The following SMCO4 variants were observed in gnomAD, a reference collection of about 807,000 sequenced individuals.
The protein encoded by SMCO4 is single-pass membrane protein with coiled-coil domains 4.
In SMCO4, 4 loss-of-function variants were observed where a neutral mutation model predicts 3.6. That is an observed-to-expected ratio of 1.11 (90% CI 0.54 to 2.53). SMCO4 has a LOEUF of 2.53. SMCO4 is among the 30% of genes most tolerant of loss of function. SMCO4 has a pLI of 0.02. For missense variants in SMCO4, 70 were observed against 80.8 expected, an observed-to-expected ratio of 0.87 and a Z score of 0.51; for synonymous variants, 36 against 35.3, an observed-to-expected ratio of 1.02 and a Z score of -0.07.
At chr11:93,529,638 T>A (rs1040615216) in intron 1 of SMCO4, among the ~76,000 whole-genome samples, 8 of 152,102 alleles carry the variant, frequency 5.3e-5, no homozygotes, top group African/African-American at 1.7e-4. Flanking sequence ...CCAGGCCCCT[T>A]CCTTTGGAGG....
chr11:93,546,294 A>T (rs1949315558), upstream of SMCO4, among the ~76,000 whole-genome samples: 2 of 152,258 alleles, frequency 1.3e-5, no homozygotes, highest in Admixed American at 6.5e-5. Context: ...TTCTTCATTG[A>T]ATTGGTTACT....
chr11:93,501,920 ACACACTT>A (rs1479951797), intron 1 of SMCO4, among the ~76,000 whole-genome samples: 1 of 152,066 alleles, frequency 6.6e-6, no homozygotes, highest in African/African-American at 2.4e-5. Context: ...CCTTGAGCAC[ACACACTT>A]GGAACCCCTG....
chr11:93,494,935 T>A (rs373379722), intron 2 of SMCO4, among the ~76,000 whole-genome samples: 4 of 152,102 alleles, frequency 2.6e-5, no homozygotes, highest in Non-Finnish European at 5.9e-5. Flanking sequence ...GGCTCCTGCC[T>A]ACCTTTTGCA....
chr11:93,498,836 A>G (rs1424870088), intron 2 of SMCO4, among the ~76,000 whole-genome samples: 2 of 152,180 alleles, frequency 1.3e-5, no homozygotes, highest in East Asian at 1.9e-4. Flanking sequence ...TTCGAGAAAC[A>G]TTTATGGAAT....
rs117510810 is a variant in SMCO4 at position 93,517,316 on chromosome 11, A to G, written c.-153-17968T>C. Among the ~76,000 whole-genome samples the G allele has an allele frequency of 4.2e-3, 642 of 152,214 alleles. 2 individuals carry two copies. Among genetic ancestry groups the G allele is most frequent in the Non-Finnish European group, 6.3e-3 (428 of 67,996 alleles). The stretch of plus-strand genomic sequence containing the variant: ...GCTGCCTTACGACTGCCGTAATCCA[A>G]TTGGTTTTTTCTTCTTTAATTTAAT... On this transcript the variant is annotated intron_variant, in intron 1 of 2. Transcript: ENST00000298966.
chr11:93,483,797 T>A (rs1342921388), intron 2 of SMCO4, among the ~76,000 whole-genome samples: 1 of 152,030 alleles, frequency 6.6e-6, no homozygotes, highest in Non-Finnish European at 1.5e-5. Context: ...ACTGGCAGAG[T>A]CAAAGGTCAA....
At chr11:93,516,281 A>G (rs1388975549) in intron 1 of SMCO4, among the ~76,000 whole-genome samples, 1 of 152,190 alleles carries the variant, frequency 6.6e-6, no homozygotes, top group Non-Finnish European at 1.5e-5. Flanking sequence ...CCCAAAAGAA[A>G]GAAGGGGAGT....
At position 93,534,206 on chromosome 11, in the gene SMCO4, AT is replaced by A. The variant is rs1462049264; in HGVS notation, c.-154+9069del. On this transcript the variant is annotated intron_variant, in intron 1 of 2. Transcript: ENST00000298966. ...ACTCCGTCTCAAAAAAAAAAAAAAA[AT>A]ATATATATACACACACACACACACA... 1.1e-3 allele frequency among the ~76,000 whole-genome samples: 116 copies of A among 102,000 alleles called. 2 individuals are homozygous for A. The highest frequency in any genetic ancestry group is 4.7e-3 in the African/African-American group (109 of 23,234). 66.9% of individuals were successfully genotyped at this position (102,000 alleles called of 152,430 possible).
chr11:93,518,730 A>C (rs1949031326), intron 1 of SMCO4, among the ~76,000 whole-genome samples: 2 of 152,200 alleles, frequency 1.3e-5, no homozygotes. Flanking sequence ...ATTCTACCAA[A>C]TAACTAAGAA....
chr11:93,537,590 C>T (rs1199934331), intron 1 of SMCO4, among the ~76,000 whole-genome samples: 4 of 151,906 alleles, frequency 2.6e-5, no homozygotes, highest in South Asian at 2.1e-4. Flanking sequence ...GCAAAAAGAA[C>T]GAGAAAAGGG....
chr11:93,500,101 C>T (rs1565378449), intron 1 of SMCO4, among the ~76,000 whole-genome samples: 1 of 152,228 alleles, frequency 6.6e-6, no homozygotes, highest in Non-Finnish European at 1.5e-5. Context: ...TGGTACAATG[C>T]CTATCATTAC....
At chr11:93,503,320 T>C (rs1043944054) in intron 1 of SMCO4, among the ~76,000 whole-genome samples, 2 of 152,192 alleles carry the variant, frequency 1.3e-5, no homozygotes, top group Admixed American at 6.5e-5. Flanking sequence ...CTTATAAAAC[T>C]ATCAGATCTT....
At chr11:93,517,499 A>T (rs1949018374) in intron 1 of SMCO4, among the ~76,000 whole-genome samples, 1 of 152,208 alleles carries the variant, frequency 6.6e-6, no homozygotes, top group Admixed American at 6.5e-5. Flanking sequence ...CAAGATTTTT[A>T]AAATTCTTCT....
At chr11:93,539,999 G>A (rs1949259063) in intron 1 of SMCO4, among the ~76,000 whole-genome samples, 1 of 150,706 alleles carries the variant, frequency 6.6e-6, no homozygotes, top group Non-Finnish European at 1.5e-5. Flanking sequence ...ATGGGCAAAG[G>A]GAAACCAGCT....
intron 1 of SMCO4, among the ~76,000 whole-genome samples, chr11:93,511,971 T>C (rs1948961758): frequency 6.6e-6 from 1 of 152,218 alleles, no homozygotes; most frequent in Non-Finnish European, 1.5e-5. Flanking sequence ...TCACTTGTTC[T>C]TATTAATTTT....
At chr11:93,527,890 C>G (rs1949124517) in intron 1 of SMCO4, among the ~76,000 whole-genome samples, 1 of 152,214 alleles carries the variant, frequency 6.6e-6, no homozygotes, top group Non-Finnish European at 1.5e-5. Flanking sequence ...ATCTTCCCAA[C>G]TCAGCCTCCT....
intron 1 of SMCO4, among the ~76,000 whole-genome samples, chr11:93,525,547 G>A (rs1949098472): frequency 6.6e-6 from 1 of 152,092 alleles, no homozygotes; most frequent in Non-Finnish European, 1.5e-5. Flanking sequence ...TTCCTAAAGG[G>A]TTTTGAAGCC....
At chr11:93,492,543 A>G (rs2658762) in intron 2 of SMCO4, among the ~76,000 whole-genome samples, 100,042 of 152,048 alleles carry the variant, frequency 0.66, 33,197 homozygotes, top group African/African-American at 0.7. Context: ...TAAGGTGACC[A>G]GGTGGGAGAC....
At chr11:93,516,221 G>A (rs559589043) in intron 1 of SMCO4, among the ~76,000 whole-genome samples, 5 of 152,070 alleles carry the variant, frequency 3.3e-5, no homozygotes, top group South Asian at 2.1e-4. Context: ...GGCAGGTCCC[G>A]GTAATGGGTA....
Sources: gnomAD v4.1 joint callset for allele counts (sites outside exome capture counted in the v4.1 genomes callset) on GRCh38, gnomAD v4.1.1 for gene constraint, MANE v1.5 for transcripts, NCBI Gene and HGNC (gene_info 2026-07-23, HGNC 2026-07-21) for gene names.